MYOF: variants seen among roughly 807,000 people sequenced by gnomAD.
The protein encoded by MYOF is myoferlin, also known as fer-1-like 3, myoferlin.
Under a neutral mutation model 284.2 loss-of-function variants are expected in MYOF, and 244 were observed. The ratio of observed to expected loss-of-function variants is 0.86; its 90% CI spans 0.77 to 0.95. The LOEUF is 0.95. MYOF is among the 40% of genes least tolerant of loss of function. The pLI is 0.00. For missense variants in MYOF, 2,496 were observed against 2,560.6 expected (o/e 0.97, Z 0.54); for synonymous variants, 904 against 919.7 (o/e 0.98, Z 0.31).
At chr10:93,451,533 G>C (rs12257907) in intron 3 of MYOF, among the ~76,000 whole-genome samples, 1 of 151,926 alleles carries the variant, frequency 6.6e-6, no homozygotes. Flanking sequence ...GGGCACCACC[G>C]TGACCCTTCC....
Position 93,380,788 on chromosome 10 carries a change from A to G in MYOF, c.1876+431T>C, listed in dbSNP as rs565673997. The stretch of plus-strand genomic sequence containing the variant: ...AATTCAGTGACACGGTTAAGGTCAC[A>G]AGCTGGTGAGTAACAGAGTGAAGAC... On this transcript the variant is annotated intron_variant, in intron 20 of 53. Transcript: ENST00000359263. 4.6e-5 allele frequency among the ~76,000 whole-genome samples: 7 copies of G among 152,350 alleles called. No individual in the cohort carries two copies. The East Asian group carries it at 1.2e-3, about 25-fold the overall frequency.
At position 93,349,968 on chromosome 10, in the gene MYOF, A is replaced by C; in HGVS notation, c.3923T>G (p.Ile1308Ser). 6.2e-7 allele frequency: 1 copy of C among 1,613,548 alleles called. No homozygotes were observed. The highest frequency in any genetic ancestry group is 8.5e-7 in the Non-Finnish European group (1 of 1,179,784). ...CATATTTCTTAAGCCCCAAGCTAGA[A>C]TCTATGAAAACGATTTAAAGAGAGG... is the stretch of plus-strand genomic sequence containing the variant. ...RPVVQLTAIE[I>S]LAWGLRNMKN... The change falls in exon 36 of 54, where the codon ATT becomes AGT. Residue 1308 changes from isoleucine (I) to serine (S), a missense_variant and splice_region_variant. Transcript: ENST00000359263.
chr10:93,379,546 GTCA>G (rs774274335), intron 21 of MYOF, among the ~76,000 whole-genome samples: 10 of 152,136 alleles, frequency 6.6e-5, no homozygotes, highest in Non-Finnish European at 1.0e-4. Flanking sequence ...AAAGGCCTAT[GTCA>G]TCTTCTCCCC....
chr10:93,325,824 A>C lies in MYOF; in HGVS notation c.5271+2T>G. 2 of 1,611,422 alleles carry C rather than the reference A, an allele frequency of 1.2e-6. No individual in the cohort carries two copies. The highest frequency in any genetic ancestry group is 1.7e-6 in the Non-Finnish European group (2 of 1,179,044). Reference sequence around the variant, plus strand: ...GTCTTCAAGGGAGGGAAGGCCCTTTACCTGGGAAATGTTGGGCTGGAAGGT... The same window carrying C: ...GTCTTCAAGGGAGGGAAGGCCCTTTCCCTGGGAAATGTTGGGCTGGAAGGT... On this transcript the variant is annotated splice_donor_variant, in intron 46 of 53. Transcript: ENST00000359263. LOFTEE classifies it high-confidence loss of function.
intron 26 of MYOF, 114 bp from the exon 27 acceptor site, chr10:93,364,189 C>T (rs889268911): frequency 2.6e-5 from 20 of 763,976 alleles, no homozygotes; most frequent in East Asian, 1.5e-4. Context: ...CTTCCCTCCT[C>T]GCTTTACCCC....
chr10:93,397,510 GT>G, intron 13 of MYOF, 54 bp from the exon 14 acceptor site: 1 of 1,413,282 alleles, frequency 7.1e-7, no homozygotes, highest in Non-Finnish European at 9.8e-7. Context: ...ATTTCTAAAA[GT>G]TTACAATCTA....
intron 19 of MYOF, among the ~76,000 whole-genome samples, chr10:93,382,570 A>G (rs1846175926): frequency 6.6e-6 from 1 of 152,214 alleles, no homozygotes; most frequent in Non-Finnish European, 1.5e-5. Context: ...AACGATAACC[A>G]CATTGAGTGC....
intron 21 of MYOF, among the ~76,000 whole-genome samples, chr10:93,377,633 T>G (rs117678640): frequency 0.024 from 3,632 of 152,224 alleles, 82 homozygotes; most frequent in Non-Finnish European, 0.032. Flanking sequence ...TTCAGATGAA[T>G]AACATAATTA....
intron 1 of MYOF, among the ~76,000 whole-genome samples, chr10:93,466,494 G>A (rs905892407): frequency 6.6e-6 from 1 of 152,166 alleles, no homozygotes; most frequent in African/African-American, 2.4e-5. Context: ...CTGCAGTGAA[G>A]TCCAGTCCAT....
intron 5 of MYOF, among the ~76,000 whole-genome samples, chr10:93,412,022 TC>T (rs1435995618): frequency 1.3e-5 from 2 of 152,120 alleles, no homozygotes; most frequent in East Asian, 3.8e-4. Flanking sequence ...ACTTCACACT[TC>T]CTTCAAGTAG....
At chr10:93,311,115 C>G (rs528268499) in intron 51 of MYOF, among the ~76,000 whole-genome samples, 3 of 152,322 alleles carry the variant, frequency 2.0e-5, no homozygotes, top group African/African-American at 4.8e-5. Flanking sequence ...TCCATGTACA[C>G]TAGCTCAATA....
rs916512204 is a variant in MYOF at position 93,329,890 on chromosome 10, A to C, written c.4812-56T>G. The C allele has an allele frequency of 2.5e-6, 4 of 1,572,878 alleles. No individual in the cohort carries two copies. In the African/African-American group the frequency reaches 5.4e-5, roughly 21 times the overall value. On this transcript the variant is annotated intron_variant, in intron 43 of 53. Transcript: ENST00000359263. Reference sequence around the variant, plus strand: ...CATGATCCATCTGAGTACCTCACAAAAACTGGGGCTCTGTGCACAGAATTC... The same window carrying C: ...CATGATCCATCTGAGTACCTCACAACAACTGGGGCTCTGTGCACAGAATTC...
At chr10:93,426,228 T>C in intron 4 of MYOF, 70 bp from the exon 5 acceptor site, 1 of 1,474,520 alleles carries the variant, frequency 6.8e-7, no homozygotes. Flanking sequence ...TCAATGCAAG[T>C]GACTTCAGCA....
intron 2 of MYOF, among the ~76,000 whole-genome samples, chr10:93,452,944 T>A (rs1392373455): frequency 6.6e-6 from 1 of 152,034 alleles, no homozygotes; most frequent in Non-Finnish European, 1.5e-5. Flanking sequence ...GTAAGTTGCT[T>A]CCTAATGACA....
chr10:93,472,878 A>G (rs2134392569), intron 1 of MYOF, among the ~76,000 whole-genome samples: 1 of 152,288 alleles, frequency 6.6e-6, no homozygotes, highest in Non-Finnish European at 1.5e-5. Flanking sequence ...CAATGGGGGA[A>G]GAAGTGGGGC....
chr10:93,329,678 T>C lies in MYOF; in HGVS notation c.4968A>G (p.Pro1656=), dbSNP rs1477975923. ...AAGCAACTTACACACAGTACTCCTC[T>C]GGTATGCCGCAGTGGGACCCAAAGC... The part of the protein sequence containing the change: ...LSRFGSHCGI[P]EEYCVSGVNT... Residue 1656 remains proline, a synonymous_variant, in exon 44 of 54, where the codon CCA becomes CCG. Transcript: ENST00000359263. The C allele has an allele frequency of 1.2e-6, 2 of 1,614,088 alleles. No homozygotes were observed. Among genetic ancestry groups the C allele is most frequent in the East Asian group, 4.5e-5 (2 of 44,888 alleles).
chr10:93,354,917 C>T (rs1383724977), intron 31 of MYOF, among the ~76,000 whole-genome samples: 1 of 152,212 alleles, frequency 6.6e-6, no homozygotes, highest in East Asian at 1.9e-4. Context: ...ATGTACAGGT[C>T]CTAGCCCATG....
At chr10:93,444,568 G>A (rs930473648) in intron 3 of MYOF, among the ~76,000 whole-genome samples, 1 of 152,174 alleles carries the variant, frequency 6.6e-6, no homozygotes, top group Admixed American at 6.5e-5. Context: ...ATAAAACAGA[G>A]TAATAAGATA....
At chr10:93,465,757 C>T (rs1362432224) in intron 1 of MYOF, among the ~76,000 whole-genome samples, 3 of 151,978 alleles carry the variant, frequency 2.0e-5, no homozygotes, top group Admixed American at 6.5e-5. Context: ...TCAGGTGATC[C>T]GCCCACCTCC....
Sources: allele counts gnomAD v4.1 joint callset (sites outside exome capture counted in the v4.1 genomes callset), GRCh38; gene constraint gnomAD v4.1.1; transcripts MANE v1.5; gene names NCBI Gene and HGNC (gene_info 2026-07-23, HGNC 2026-07-21).